TOX: variants seen among roughly 807,000 people sequenced by gnomAD.
The protein encoded by TOX is thymocyte selection-associated high mobility group box protein TOX.
A neutral mutation model predicts 53.7 loss-of-function variants in TOX; 11 were observed. The ratio of observed to expected loss-of-function variants is 0.20; its 90% CI spans 0.13 to 0.34. TOX has a LOEUF of 0.34. Ranked by LOEUF, TOX falls within the 10% of genes least tolerant of loss-of-function variation. The pLI is 1.00. For missense variants in TOX, 570 were observed against 664.6 expected, an observed-to-expected ratio of 0.86 and a Z score of 1.56; for synonymous variants, 225 against 245.3, an observed-to-expected ratio of 0.92 and a Z score of 0.77.
intron 3 of TOX, among the ~76,000 whole-genome samples, chr8:58,894,974 G>A (rs1298314811): frequency 6.6e-6 from 1 of 152,074 alleles, no homozygotes; most frequent in African/African-American, 2.4e-5. Flanking sequence ...GGGATCATGA[G>A]GTCAGGAGTT....
intron 1 of TOX, among the ~76,000 whole-genome samples, chr8:59,028,136 T>A (rs1814278924): frequency 6.6e-6 from 1 of 152,210 alleles, no homozygotes; most frequent in African/African-American, 2.4e-5. Context: ...AATAAGTAAT[T>A]CTTTTTAATA....
chr8:59,047,886 A>C (rs1393002002), intron 1 of TOX, among the ~76,000 whole-genome samples: 1 of 152,188 alleles, frequency 6.6e-6, no homozygotes, highest in African/African-American at 2.4e-5. Context: ...TAACAGGAAA[A>C]AATTATTGCA....
chr8:58,922,218 C>A (rs915198631), intron 3 of TOX, among the ~76,000 whole-genome samples: 1 of 152,148 alleles, frequency 6.6e-6, no homozygotes, highest in Non-Finnish European at 1.5e-5. Flanking sequence ...TCTTGGAATT[C>A]TCCTAACTGT....
chr8:59,011,576 T>G (rs1359667622), intron 1 of TOX, among the ~76,000 whole-genome samples: 2 of 108,174 alleles, frequency 1.8e-5, no homozygotes, highest in Non-Finnish European at 4.7e-5. Context: ...TTCCTATCTT[T>G]TTTTCAAATT....
rs1812395525 is a variant in TOX, at chr8:58,939,326, T to C, written c.387A>G (p.Thr129=). ...TVSNMLGQDG[T]LLSNSISVMP... is the part of the protein sequence containing the mutation. ...CCACAGAAATGGAATTAGAAAGCAG[T>C]GTTCCATCCTGGCCCAGCATATTGG... Residue 129 remains threonine (T), a synonymous_variant, in exon 3 of 9, where the codon ACA becomes ACG. Transcript: ENST00000361421. 6.2e-7 allele frequency: 1 copy of C among 1,614,052 alleles called. No homozygotes were observed. The highest frequency in any genetic ancestry group is 8.5e-7 in the Non-Finnish European group (1 of 1,179,986).
chr8:58,810,621 G>A (rs571506731), intron 7 of TOX, among the ~76,000 whole-genome samples: 1 of 152,106 alleles, frequency 6.6e-6, no homozygotes, highest in Non-Finnish European at 1.5e-5. Context: ...CCAAAGTGCT[G>A]GGATTACACG....
intron 1 of TOX, among the ~76,000 whole-genome samples, chr8:59,081,177 C>A (rs1270766632): frequency 6.6e-6 from 1 of 152,058 alleles, no homozygotes; most frequent in African/African-American, 2.4e-5. Context: ...CAAGTGAGTA[C>A]CACCACGCCC....
At position 59,102,528 on chromosome 8, in the gene TOX, C is replaced by A. The variant is rs111365136; in HGVS notation, c.102+16358G>T. 7.2e-5 allele frequency among the ~76,000 whole-genome samples: 11 copies of A among 152,098 alleles called. 1 individual carries two copies. Among genetic ancestry groups the A allele is most frequent in the African/African-American group, 2.4e-4 (10 of 41,490 alleles). ...ACAGGTGTGAGCCATTGTGCCCAGT[C>A]GAAACTCCCGTTTTTAAAACCATCA... On this transcript the variant is annotated intron_variant, in intron 1 of 8. Transcript: ENST00000361421.
Position 58,880,392 on chromosome 8 carries a change from T to A in TOX, c.412-28587A>T, listed in dbSNP as rs370373446. On this transcript the variant is annotated intron_variant, in intron 3 of 8. Transcript: ENST00000361421. ...AGAGTTAAATAATACATGCAAAATATCTGGCGTATATTAAGATCTTAACAA... is the reference window on the plus strand; with the variant it reads ...AGAGTTAAATAATACATGCAAAATAACTGGCGTATATTAAGATCTTAACAA... Among the ~76,000 whole-genome samples, 13 of 152,332 alleles carry A rather than the reference T, an allele frequency of 8.5e-5. No homozygotes were observed. The East Asian group carries it at 2.1e-3, about 25-fold the overall frequency.
chr8:59,103,466 G>C (rs557242374), intron 1 of TOX, among the ~76,000 whole-genome samples: 1 of 152,180 alleles, frequency 6.6e-6, no homozygotes, highest in African/African-American at 2.4e-5. Flanking sequence ...TGACTTAATT[G>C]TAAGTGCTTC....
intron 1 of TOX, among the ~76,000 whole-genome samples, chr8:58,982,222 A>T (rs979445071): frequency 7.2e-5 from 11 of 152,236 alleles, no homozygotes; most frequent in African/African-American, 2.6e-4. Context: ...TGGATCTCTC[A>T]GCCTTTTATT....
At chr8:58,970,455 A>G (rs1812981381) in intron 1 of TOX, among the ~76,000 whole-genome samples, 1 of 152,180 alleles carries the variant, frequency 6.6e-6, no homozygotes, top group Non-Finnish European at 1.5e-5. Flanking sequence ...AACACTTCTG[A>G]CAGTGCCAGG....
In TOX at chr8:59,084,238, T is replaced by C. The variant is rs1466260736; in HGVS notation, c.102+34648A>G. ...ATGAAAGAGGACTTAAAATATTACATCTTTATTATCAAACTATAAACCAAA... is the reference window on the plus strand; with the variant it reads ...ATGAAAGAGGACTTAAAATATTACACCTTTATTATCAAACTATAAACCAAA... On this transcript the variant is annotated intron_variant, in intron 1 of 8. Transcript: ENST00000361421. Among the ~76,000 whole-genome samples, 4 of 152,130 alleles carry C rather than the reference T, an allele frequency of 2.6e-5. No individual in the cohort carries two copies. The East Asian group carries it at 7.7e-4, about 29-fold the overall frequency.
At chr8:59,102,130 C>G (rs922499614) in intron 1 of TOX, among the ~76,000 whole-genome samples, 4 of 152,194 alleles carry the variant, frequency 2.6e-5, no homozygotes, top group African/African-American at 9.7e-5. Flanking sequence ...CTGGGGAGGT[C>G]TCATAATCAT....
At position 58,851,587 on chromosome 8, in the gene TOX, G is replaced by C; in HGVS notation, c.630C>G (p.Ser210Arg). ...VPHNSPSPPGSKSATPSPSSS... is the reference protein window; with the variant it reads ...VPHNSPSPPGRKSATPSPSSS... Reference sequence around the variant, plus strand: ...TGGATGGTGAAGGAGTTGCAGACTTGCTTCCAGGTGGAGATGGTGAGTTGT... The same window carrying C: ...TGGATGGTGAAGGAGTTGCAGACTTCCTTCCAGGTGGAGATGGTGAGTTGT... The change falls in exon 4 of 9, where the codon AGC becomes AGG. Residue 210 changes from serine (S) to arginine (R), a missense_variant. Physicochemically the swap from Ser to Arg is moderately radical, Grantham distance 110. Transcript: ENST00000361421. The surrounding 1 kb of genome is among the most constrained non-coding windows in gnomAD (Gnocchi z 4.4). The C allele has an allele frequency of 6.2e-7, 1 of 1,613,618 alleles. No individual in the cohort carries two copies. Among genetic ancestry groups the C allele is most frequent in the South Asian group, 1.1e-5 (1 of 91,080 alleles).
intron 3 of TOX, among the ~76,000 whole-genome samples, chr8:58,861,329 A>T (rs986221480): frequency 6.6e-6 from 1 of 152,142 alleles, no homozygotes; most frequent in South Asian, 2.1e-4. Flanking sequence ...AGTTCCTACA[A>T]ATTACATCTC....
At chr8:59,100,880 T>C (rs577753397) in intron 1 of TOX, among the ~76,000 whole-genome samples, 1 of 152,342 alleles carries the variant, frequency 6.6e-6, no homozygotes, top group East Asian at 1.9e-4. Context: ...TGATACCTAG[T>C]TCAAATTTCC....
chr8:59,114,421 C>G (rs1369064481), intron 1 of TOX, among the ~76,000 whole-genome samples: 1 of 152,140 alleles, frequency 6.6e-6, no homozygotes, highest in African/African-American at 2.4e-5. Context: ...TGAAACTTTT[C>G]TATAATATCT....
At chr8:58,907,337 C>T (rs1016279346) in intron 3 of TOX, among the ~76,000 whole-genome samples, 16 of 152,034 alleles carry the variant, frequency 1.1e-4, no homozygotes, top group African/African-American at 3.1e-4. Context: ...TTATTCTGCC[C>T]ATTCTGGGAG....
Sources: allele counts gnomAD v4.1 joint callset (sites outside exome capture counted in the v4.1 genomes callset), GRCh38; gene constraint gnomAD v4.1.1; non-coding constraint Gnocchi (gnomAD v3.1); transcripts MANE v1.5; gene names NCBI Gene and HGNC (gene_info 2026-07-23, HGNC 2026-07-21).